RCBTB2: variants seen among roughly 807,000 people sequenced by gnomAD.
RCBTB2 encodes the protein RCC1 and BTB domain containing protein 2.
In RCBTB2, 55 loss-of-function variants were observed where a neutral mutation model predicts 65.4. The observed-to-expected ratio is 0.84, with a 90% confidence interval of 0.68 to 1.05. The LOEUF (loss-of-function observed/expected upper bound fraction) is 1.05, where lower values mean the gene tolerates loss of function less well. RCBTB2 is among the 50% of genes least tolerant of loss of function. The pLI, the probability that RCBTB2 is intolerant of heterozygous loss-of-function variation, is 0.00. For synonymous variants in RCBTB2, 220 were observed against 255.2 expected (o/e 0.86, Z 1.31); for missense variants, 599 against 680.1 (o/e 0.88, Z 1.33).
intron 14 of RCBTB2, among the ~76,000 whole-genome samples, chr13:48,493,905 G>A (rs926148684): frequency 1.3e-5 from 2 of 152,110 alleles, no homozygotes; most frequent in Non-Finnish European, 2.9e-5. Context: ...ACCCCAGTGC[G>A]TAGGGCAGTG....
At chr13:48,510,829 C>A in intron 9 of RCBTB2, 58 bp from the exon 10 acceptor site, 1 of 1,520,126 alleles carries the variant, frequency 6.6e-7, no homozygotes, top group Non-Finnish European at 9.0e-7. Context: ...TCACTGCTTC[C>A]ACAAAGTAGG....
intron 1 of RCBTB2, among the ~76,000 whole-genome samples, chr13:48,528,534 T>G (rs1262113701): frequency 2.0e-5 from 3 of 152,176 alleles, no homozygotes; most frequent in Non-Finnish European, 2.9e-5. Context: ...GGTACCAGCA[T>G]GCAGTTTACA....
intron 12 of RCBTB2, among the ~76,000 whole-genome samples, chr13:48,500,418 C>T (rs1378646889): frequency 6.6e-6 from 1 of 152,102 alleles, no homozygotes; most frequent in Non-Finnish European, 1.5e-5. Context: ...ATTAGCCAGG[C>T]ATGGTGGTGT....
At chr13:48,498,975 T>C (rs1950100455) in intron 13 of RCBTB2, among the ~76,000 whole-genome samples, 1 of 151,970 alleles carries the variant, frequency 6.6e-6, no homozygotes, top group African/African-American at 2.4e-5. Flanking sequence ...TTTTCAATAC[T>C]TCCACTGCTA....
intron 11 of RCBTB2, 143 bp from the exon 12 acceptor site, chr13:48,502,011 C>T: frequency 7.2e-6 from 4 of 558,070 alleles, no homozygotes; most frequent in Non-Finnish European, 1.2e-5. Flanking sequence ...ATTTTTTCCC[C>T]TGAAGACAGA....
At chr13:48,491,130 T>C (rs1949679621) in intron 14 of RCBTB2, among the ~76,000 whole-genome samples, 2 of 152,134 alleles carry the variant, frequency 1.3e-5, no homozygotes, top group African/African-American at 4.8e-5. Flanking sequence ...CTGTAGGTAA[T>C]TTATAAAAAA....
intron 1 of RCBTB2, among the ~76,000 whole-genome samples, chr13:48,525,400 A>G (rs1951663876): frequency 7.1e-6 from 1 of 140,964 alleles, no homozygotes; most frequent in African/African-American, 2.6e-5. Context: ...ATATATATAT[A>G]TATATATATA....
chr13:48,494,548 C>T (rs1342761232), intron 14 of RCBTB2, among the ~76,000 whole-genome samples: 1 of 152,152 alleles, frequency 6.6e-6, no homozygotes, highest in African/African-American at 2.4e-5. Flanking sequence ...AAGTCCCTGC[C>T]ATGCCTCAAA....
At position 48,501,882 on chromosome 13, in the gene RCBTB2, G is replaced by A. The variant is rs373421828; in HGVS notation, c.1118-14C>T. 8 of 1,612,024 alleles carry A rather than the reference G, an allele frequency of 5.0e-6. No individual in the cohort carries two copies. In the African/African-American group the frequency reaches 9.4e-5, roughly 19 times the overall value. ...GGTCATCAGGTTCTAGGAGAATAAT[G>A]CAAATGCTTCCAGAGTTAGCTACAG... is the stretch of plus-strand genomic sequence containing the variant. On this transcript the variant is annotated splice_polypyrimidine_tract_variant and intron_variant, in intron 11 of 14. Transcript: ENST00000344532.
chr13:48,498,917 A>T (rs1258530478), intron 13 of RCBTB2, among the ~76,000 whole-genome samples: 1 of 151,970 alleles, frequency 6.6e-6, no homozygotes, highest in Non-Finnish European at 1.5e-5. Flanking sequence ...CCATCTATCA[A>T]CAAATCCCAT....
At chr13:48,516,272 AG>A (rs1414456769) in intron 4 of RCBTB2, among the ~76,000 whole-genome samples, 2 of 152,210 alleles carry the variant, frequency 1.3e-5, no homozygotes, top group African/African-American at 2.4e-5. Flanking sequence ...TCATCCCTCA[AG>A]GAAGTTTGGG....
chr13:48,522,121 C>A (rs1035117965), intron 3 of RCBTB2, among the ~76,000 whole-genome samples, 159 bp from the exon 4 acceptor site: 4 of 152,162 alleles, frequency 2.6e-5, no homozygotes, highest in Non-Finnish European at 5.9e-5. Context: ...GAATGAACAG[C>A]TATAAAACTC....
chr13:48,512,261 C>T, intron 7 of RCBTB2, 87 bp from the exon 8 acceptor site: 1 of 1,184,054 alleles, frequency 8.4e-7, no homozygotes, highest in Non-Finnish European at 1.2e-6. Flanking sequence ...GGCACCGAGT[C>T]TTTCCTCTCA....
chr13:48,525,742 T>C (rs796196291), intron 1 of RCBTB2, among the ~76,000 whole-genome samples: 21 of 152,162 alleles, frequency 1.4e-4, no homozygotes, highest in African/African-American at 4.6e-4. Context: ...ATGCATACTA[T>C]ATAGCTATTA....
chr13:48,522,358 C>A lies in RCBTB2; in HGVS notation c.-74G>T. 1 of 1,524,344 alleles carries A rather than the reference C, an allele frequency of 6.6e-7. No individual in the cohort carries two copies. Among genetic ancestry groups the A allele is most frequent in the Non-Finnish European group, 8.8e-7 (1 of 1,137,326 alleles). The allele number at this position is 1,524,344 out of a possible 1,614,324, so 94.4% of individuals were successfully genotyped here. A position where few individuals can be genotyped will look rare whatever the true frequency, so the allele number is the denominator to read the frequency against. Reference sequence around the variant, plus strand: ...GAAAGTTCCAAATCACGGGGAAGAGCGGACATCAATTCTCAGCTCCACAGA... The same window carrying A: ...GAAAGTTCCAAATCACGGGGAAGAGAGGACATCAATTCTCAGCTCCACAGA... On this transcript the variant is annotated 5_prime_UTR_variant, in exon 3 of 15. Coordinates refer to ENST00000344532, the MANE Select transcript of RCBTB2 (RefSeq NM_001268.4).
At chr13:48,528,493 C>T (rs2138658039) in intron 1 of RCBTB2, among the ~76,000 whole-genome samples, 1 of 152,110 alleles carries the variant, frequency 6.6e-6, no homozygotes, top group South Asian at 2.1e-4. Flanking sequence ...TCAAAAGAAA[C>T]AGGAAATTAA....
intron 4 of RCBTB2, among the ~76,000 whole-genome samples, chr13:48,517,696 T>A (rs943282): frequency 1.3e-5 from 2 of 152,280 alleles, no homozygotes; most frequent in East Asian, 3.9e-4. Flanking sequence ...TTCTGAATAA[T>A]CTTCATGGCA....
At chr13:48,520,217 G>C (rs1951342520) in intron 4 of RCBTB2, among the ~76,000 whole-genome samples, 1 of 152,120 alleles carries the variant, frequency 6.6e-6, no homozygotes, top group South Asian at 2.1e-4. Context: ...AAACAATGTA[G>C]GATTCACACA....
chr13:48,514,649 G>T (rs997930845), intron 6 of RCBTB2, among the ~76,000 whole-genome samples: 11 of 152,194 alleles, frequency 7.2e-5, no homozygotes, highest in Non-Finnish European at 1.6e-4. Context: ...ATAAATTCAA[G>T]GGTTGAGATT....
Sources: gnomAD v4.1 joint callset for allele counts (sites outside exome capture counted in the v4.1 genomes callset) on GRCh38, gnomAD v4.1.1 for gene constraint, MANE v1.5 for transcripts, NCBI Gene and HGNC (gene_info 2026-07-23, HGNC 2026-07-21) for gene names.